FIP1L1: variants seen among roughly 807,000 people sequenced by gnomAD.
The protein encoded by FIP1L1 is pre-mRNA 3'-end-processing factor FIP1.
A neutral mutation model predicts 84.6 loss-of-function variants in FIP1L1; 21 were observed. The ratio of observed to expected loss-of-function variants is 0.25; its 90% CI spans 0.18 to 0.36. The LOEUF (loss-of-function observed/expected upper bound fraction) is 0.36. Ranked by LOEUF, FIP1L1 falls within the 10% of genes least tolerant of loss-of-function variation. The pLI, the probability that FIP1L1 is intolerant of heterozygous loss-of-function variation, is 1.00. For missense variants in FIP1L1, 526 were observed against 751.1 expected (o/e 0.70, Z 3.50); for synonymous variants, 263 against 242.3 (o/e 1.09, Z -0.80).
chr4:53,407,576 T>C (rs1754369826), intron 10 of FIP1L1, among the ~76,000 whole-genome samples: 1 of 147,094 alleles, frequency 6.8e-6, no homozygotes, highest in Non-Finnish European at 1.5e-5. Flanking sequence ...GTTAACTTTC[T>C]GTCTCGTTGG....
chr4:53,417,764 CTCTCTCT>C, intron 11 of FIP1L1, among the ~76,000 whole-genome samples: 1 of 1,148 alleles, frequency 8.7e-4, no homozygotes, highest in African/African-American at 2.8e-3. Flanking sequence ...CACACACACA[CTCTCTCT>C]CTCTCTCTCT....
intron 9 of FIP1L1, among the ~76,000 whole-genome samples, chr4:53,397,269 A>G (rs1747887410): frequency 6.6e-6 from 1 of 152,180 alleles, no homozygotes; most frequent in Non-Finnish European, 1.5e-5. Context: ...TATTGCCATA[A>G]TGAGATTCTT....
At position 53,460,291 on chromosome 4, in the gene FIP1L1, T is replaced by TATA. The variant is rs920636364; in HGVS notation, c.*845_*847dup. ...TTTCTTACTAAAAACAAAACAAGTT[T>TATA]ATAATTAATTCTCTGAGCGAGCATT... On this transcript the variant is annotated 3_prime_UTR_variant, in exon 18 of 18. Transcript: ENST00000337488. The TATA allele has an allele frequency of 8.9e-5, 17 of 190,314 alleles. No individual in the cohort carries two copies. The highest frequency in any genetic ancestry group is 6.8e-4 in the Admixed American group (11 of 16,296). The allele number at this position is 190,314 out of a possible 1,614,324, so 11.8% of individuals were successfully genotyped here.
intron 11 of FIP1L1, among the ~76,000 whole-genome samples, chr4:53,417,642 CA>C (rs57635694): frequency 0.21 from 9,960 of 46,332 alleles, 1,051 homozygotes; most frequent in South Asian, 0.49. Flanking sequence ...AACTCCTTCT[CA>C]AAAAAAAAAA....
chr4:53,387,883 C>T (rs767074625), intron 5 of FIP1L1, among the ~76,000 whole-genome samples: 9 of 152,180 alleles, frequency 5.9e-5, no homozygotes, highest in Non-Finnish European at 8.8e-5. Context: ...AGGCAGGAAC[C>T]GTAATTGTCC....
chr4:53,383,117 C>G (rs1738969273), intron 4 of FIP1L1, among the ~76,000 whole-genome samples: 1 of 150,772 alleles, frequency 6.6e-6, no homozygotes, highest in South Asian at 2.1e-4. Flanking sequence ...GCCAAGACTT[C>G]TCAAATACTT....
At chr4:53,388,153 G>A (rs1221146211) in intron 5 of FIP1L1, among the ~76,000 whole-genome samples, 7 of 152,106 alleles carry the variant, frequency 4.6e-5, no homozygotes, top group Non-Finnish European at 1.0e-4. Flanking sequence ...CAGTGCAAAT[G>A]TAACTAAACC....
chr4:53,421,861 A>C (rs1255404870), intron 11 of FIP1L1, among the ~76,000 whole-genome samples: 1 of 152,244 alleles, frequency 6.6e-6, no homozygotes, highest in East Asian at 1.9e-4. Flanking sequence ...CTATTTATTT[A>C]GAAATCAGGG....
intron 4 of FIP1L1, 110 bp from the exon 5 acceptor site, chr4:53,383,663 A>G: frequency 9.1e-7 from 1 of 1,096,788 alleles, no homozygotes; most frequent in Non-Finnish European, 1.3e-6. Flanking sequence ...GTCTGTCTCA[A>G]GACAGAAGAA....
intron 5 of FIP1L1, among the ~76,000 whole-genome samples, chr4:53,386,356 A>G (rs552857326): frequency 6.6e-6 from 1 of 152,314 alleles, no homozygotes; most frequent in East Asian, 1.9e-4. Context: ...CATGGAGTTA[A>G]CAAATTAGAT....
At chr4:53,431,679 T>TACTAAAGTAGG (rs1766751119) in intron 13 of FIP1L1, among the ~76,000 whole-genome samples, 1 of 152,222 alleles carries the variant, frequency 6.6e-6, no homozygotes, top group East Asian at 1.9e-4. Context: ...GGAAGAGTCC[T>TACTAAAGTAGG]ACTTTATACC....
intron 4 of FIP1L1, among the ~76,000 whole-genome samples, chr4:53,383,394 G>C (rs1739126142): frequency 6.6e-6 from 1 of 152,198 alleles, no homozygotes; most frequent in African/African-American, 2.4e-5. Context: ...GGGCATGGTG[G>C]CTCACGCCTG....
Position 53,459,368 on chromosome 4 carries a change from T to C in FIP1L1, c.1704T>C (p.Ser568=). The change falls in exon 18 of 18, where the codon TCT becomes TCC. Residue 568 remains serine (S), a synonymous_variant. Transcript: ENST00000337488. The part of the protein sequence containing the change: ...DSHRRHKHKK[S]KRSKEGKEAG... ...ACAGGAGACACAAACACAAAAAATC[T>C]AAAAGAAGCAAAGAAGGAAAAGAAG... 1 of 1,601,102 alleles carries C rather than the reference T, an allele frequency of 6.2e-7. No individual in the cohort carries two copies. Among genetic ancestry groups the C allele is most frequent in the Non-Finnish European group, 8.5e-7 (1 of 1,176,208 alleles).
In FIP1L1 at chr4:53,382,260, T is replaced by TA; in HGVS notation, c.171-17dup. On this transcript the variant is annotated splice_polypyrimidine_tract_variant and intron_variant, in intron 3 of 17. Coordinates refer to ENST00000337488, the MANE Select transcript of FIP1L1 (RefSeq NM_030917.4). ...AAAAGTAATGCCTGACATGTATACT[T>TA]ACTTTTGTTGTTTGTAGTGCTAATC... The TA allele has an allele frequency of 6.3e-7, 1 of 1,599,070 alleles. No individual in the cohort carries two copies. Among genetic ancestry groups the TA allele is most frequent in the Non-Finnish European group, 8.6e-7 (1 of 1,166,366 alleles).
chr4:53,424,310 A>G (rs6420001), intron 11 of FIP1L1, among the ~76,000 whole-genome samples: 123,493 of 151,994 alleles, frequency 0.81, 50,309 homozygotes, highest in Non-Finnish European at 0.85. Flanking sequence ...CAGTCATGGT[A>G]GGCATAGCTT....
At chr4:53,401,251 T>A (rs1231948602) in intron 10 of FIP1L1, among the ~76,000 whole-genome samples, 2 of 152,214 alleles carry the variant, frequency 1.3e-5, no homozygotes, top group South Asian at 4.1e-4. Context: ...TTGCCTTTTG[T>A]TTTTTTATTG....
chr4:53,455,037 A>G (rs1305324845), intron 16 of FIP1L1, among the ~76,000 whole-genome samples: 1 of 152,124 alleles, frequency 6.6e-6, no homozygotes, highest in African/African-American at 2.4e-5. Flanking sequence ...TTACAAACCA[A>G]CTAACCTCTG....
intron 15 of FIP1L1, among the ~76,000 whole-genome samples, chr4:53,444,549 T>G (rs1240593025): frequency 6.6e-6 from 1 of 152,188 alleles, no homozygotes. Flanking sequence ...GACCCCATTT[T>G]CTTTTGCACC....
At chr4:53,414,491 A>G (rs1758552744) in intron 10 of FIP1L1, 124 bp from the exon 11 acceptor site, 1 of 577,190 alleles carries the variant, frequency 1.7e-6, no homozygotes, top group Non-Finnish European at 3.1e-6. Context: ...TGACTTGAGA[A>G]TGATACTGTA....
Sources: allele counts gnomAD v4.1 joint callset (sites outside exome capture counted in the v4.1 genomes callset), GRCh38; gene constraint gnomAD v4.1.1; transcripts MANE v1.5; gene names NCBI Gene and HGNC (gene_info 2026-07-23, HGNC 2026-07-21).